Variants in KIAA1217 observed in about 807,000 individuals in gnomAD.
KIAA1217 encodes the protein sickle tail protein homolog.
In KIAA1217, 88 loss-of-function variants were observed where a neutral mutation model predicts 163.9. The observed-to-expected ratio is 0.54, with a 90% CI of 0.45 to 0.64. KIAA1217 has a LOEUF of 0.64. Ranked by LOEUF, KIAA1217 falls within the 30% of genes least tolerant of loss-of-function variation. The pLI is 0.00. For missense variants in KIAA1217, 2,372 were observed against 2,475.0 expected (o/e 0.96, Z 0.88); for synonymous variants, 903 against 923.1 (o/e 0.98, Z 0.39).
chr10:24,163,455 G>A (rs973145442), intron 2 of KIAA1217, among the ~76,000 whole-genome samples: 8 of 152,172 alleles, frequency 5.3e-5, no homozygotes, highest in Middle Eastern at 3.2e-3. Context: ...AGGCATGAAA[G>A]TTATGAAGGT....
chr10:23,797,570 G>A (rs1032517556), intron 1 of KIAA1217, among the ~76,000 whole-genome samples: 1 of 152,040 alleles, frequency 6.6e-6, no homozygotes, highest in African/African-American at 2.4e-5. Context: ...AGCGTGGCTG[G>A]GGAGGCCTCA....
At chr10:23,705,576 T>C (rs1361909873) in intron 1 of KIAA1217, among the ~76,000 whole-genome samples, 1 of 152,184 alleles carries the variant, frequency 6.6e-6, no homozygotes, top group African/African-American at 2.4e-5. Context: ...TATGGGGTCT[T>C]AATGTTATTT....
At chr10:23,841,437 A>G (rs1319517827) in intron 1 of KIAA1217, among the ~76,000 whole-genome samples, 1 of 152,214 alleles carries the variant, frequency 6.6e-6, no homozygotes, top group African/African-American at 2.4e-5. Context: ...TAATGTACCA[A>G]AATAATTGAT....
chr10:23,835,973 A>T (rs2131052344), intron 1 of KIAA1217, among the ~76,000 whole-genome samples: 1 of 152,302 alleles, frequency 6.6e-6, no homozygotes, highest in South Asian at 2.1e-4. Flanking sequence ...CAGTACCATA[A>T]GAATGTGACT....
At chr10:24,265,146 C>T (rs930672045) in intron 2 of KIAA1217, among the ~76,000 whole-genome samples, 5 of 152,202 alleles carry the variant, frequency 3.3e-5, no homozygotes, top group African/African-American at 1.2e-4. Context: ...GCTAAGATTA[C>T]AGGCATGAGC....
rs1217482379 is a variant in KIAA1217, at chr10:24,484,210, GAT to G, written c.1679+10152_1679+10153del. Among the ~76,000 whole-genome samples the G allele has an allele frequency of 4.8e-4, 62 of 129,900 alleles. 1 individual carries two copies. Among genetic ancestry groups the G allele is most frequent in the African/African-American group, 1.4e-3 (47 of 34,522 alleles). The allele number at this position is 129,900 out of a possible 152,430, so 85.2% of individuals were successfully genotyped here. A position where few individuals can be genotyped will look rare whatever the true frequency, so the allele number is the denominator to read the frequency against. On this transcript the variant is annotated intron_variant, in intron 6 of 20. Transcript: ENST00000376454. The stretch of plus-strand genomic sequence containing the variant: ...ATATATATTGATATACATATATATA[GAT>G]AGATAGATATACATATATATATATA...
intron 1 of KIAA1217, among the ~76,000 whole-genome samples, chr10:23,773,910 G>A (rs28594996): frequency 0.18 from 27,558 of 151,860 alleles, 2,628 homozygotes; most frequent in Middle Eastern, 0.27. Context: ...TGCAAACAGG[G>A]ACAATTTGAC....
intron 1 of KIAA1217, among the ~76,000 whole-genome samples, chr10:23,775,077 G>A (rs939364829): frequency 1.1e-4 from 16 of 152,128 alleles, no homozygotes; most frequent in African/African-American, 3.9e-4. Flanking sequence ...TAAGGATAAG[G>A]TGTGTGTGAT....
intron 2 of KIAA1217, among the ~76,000 whole-genome samples, chr10:24,154,242 C>A (rs537344859): frequency 2.2e-4 from 33 of 152,080 alleles, no homozygotes; most frequent in African/African-American, 7.7e-4. Context: ...CAGGCGTGAG[C>A]CACCCCGCCC....
At chr10:23,847,652 CT>C in intron 1 of KIAA1217, among the ~76,000 whole-genome samples, 1 of 152,180 alleles carries the variant, frequency 6.6e-6, no homozygotes, top group East Asian at 1.9e-4. Flanking sequence ...TTTTGTTGAT[CT>C]TTTCAAAAAA....
intron 2 of KIAA1217, among the ~76,000 whole-genome samples, chr10:24,194,317 C>G (rs1317682035): frequency 8.4e-6 from 1 of 119,186 alleles, no homozygotes; most frequent in Non-Finnish European, 1.7e-5. Flanking sequence ...CCCTCCTCTC[C>G]CCTCTCCTCC....
At chr10:24,190,008 G>A (rs1326266336) in intron 2 of KIAA1217, among the ~76,000 whole-genome samples, 2 of 149,240 alleles carry the variant, frequency 1.3e-5, no homozygotes, top group Admixed American at 6.7e-5. Context: ...GTGACAGAGT[G>A]AGACTCTGTC....
At chr10:23,741,953 A>G (rs527758853) in intron 1 of KIAA1217, among the ~76,000 whole-genome samples, 4 of 152,186 alleles carry the variant, frequency 2.6e-5, no homozygotes, top group Non-Finnish European at 5.9e-5. Context: ...TGGGTGATTT[A>G]TGAGCAGGTG....
Position 24,082,104 on chromosome 10 carries a change from C to A in KIAA1217, c.-171+74730C>A, listed in dbSNP as rs540672405. Reference sequence around the variant, plus strand: ...TGCTGAAGGTGATAGTGCTTTGTCCCCTTTTGTAATTCAGCCTCTGGTTAG... The same window carrying A: ...TGCTGAAGGTGATAGTGCTTTGTCCACTTTTGTAATTCAGCCTCTGGTTAG... On this transcript the variant is annotated intron_variant, in intron 2 of 18. Transcript: ENST00000376462. 9.2e-5 allele frequency among the ~76,000 whole-genome samples: 14 copies of A among 152,216 alleles called. 1 individual carries two copies. Among genetic ancestry groups the A allele is most frequent in the Admixed American group, 9.2e-4 (14 of 15,280 alleles).
chr10:23,960,467 G>T (rs1017574714), intron 1 of KIAA1217, among the ~76,000 whole-genome samples: 7 of 151,526 alleles, frequency 4.6e-5, no homozygotes, highest in Non-Finnish European at 8.8e-5. Flanking sequence ...ATGTTGGTCA[G>T]GCTGGTCTCC....
At chr10:23,761,698 T>A (rs1456379993) in intron 1 of KIAA1217, among the ~76,000 whole-genome samples, 4 of 152,176 alleles carry the variant, frequency 2.6e-5, no homozygotes, top group Non-Finnish European at 5.9e-5. Flanking sequence ...TTAGAATAAT[T>A]GCCACGTGGC....
At chr10:24,356,988 G>A (rs192932960) in intron 2 of KIAA1217, among the ~76,000 whole-genome samples, 11 of 152,316 alleles carry the variant, frequency 7.2e-5, no homozygotes, top group Admixed American at 6.5e-4. Context: ...CCAGATAAAT[G>A]CCTAAGTTAC....
chr10:24,443,282 A>T (rs1334059751), intron 5 of KIAA1217, among the ~76,000 whole-genome samples: 3 of 152,108 alleles, frequency 2.0e-5, no homozygotes, highest in Non-Finnish European at 2.9e-5. Context: ...AGATGATGAG[A>T]CAGCTCCTTA....
At chr10:23,959,393 C>T (rs1332101920) in intron 1 of KIAA1217, among the ~76,000 whole-genome samples, 3 of 152,094 alleles carry the variant, frequency 2.0e-5, no homozygotes, top group Non-Finnish European at 4.4e-5. Flanking sequence ...CGCAGTGGTG[C>T]ATACCCTTAG....
Sources: gnomAD v4.1 joint callset for allele counts (sites outside exome capture counted in the v4.1 genomes callset) on GRCh38, gnomAD v4.1.1 for gene constraint, MANE v1.5 for transcripts, NCBI Gene and HGNC (gene_info 2026-07-23, HGNC 2026-07-21) for gene names.